Variants in ZDHHC13 observed in about 807,000 individuals in gnomAD.
ZDHHC13 encodes zDHHC palmitoyltransferase 13.
A neutral mutation model predicts 86.0 loss-of-function variants in ZDHHC13; 85 were observed. That is an observed-to-expected ratio of 0.99 (90% CI 0.83 to 1.18). The LOEUF is 1.18. Ranked by LOEUF, ZDHHC13 falls within the 50% of genes most tolerant of loss-of-function variation. The pLI is 0.00. For missense variants in ZDHHC13, 711 were observed against 730.2 expected, an observed-to-expected ratio of 0.97 and a Z score of 0.30; for synonymous variants, 263 against 246.4, an observed-to-expected ratio of 1.07 and a Z score of -0.63.
At chr11:19,172,493 T>A (rs149557066) in intron 15 of ZDHHC13, among the ~76,000 whole-genome samples, 2 of 152,250 alleles carry the variant, frequency 1.3e-5, no homozygotes, top group African/African-American at 4.8e-5. Flanking sequence ...TGAGTAGTTA[T>A]GGTTTTTAAT....
In ZDHHC13 at chr11:19,163,392, G is replaced by A. The variant is rs1418779024; in HGVS notation, c.1198G>A (p.Gly400Ser). The A allele has an allele frequency of 8.1e-6, 13 of 1,606,712 alleles. No homozygotes were observed. Among genetic ancestry groups the A allele is most frequent in the African/African-American group, 1.3e-5 (1 of 74,452 alleles). Residue 400 changes from glycine to serine, a missense_variant, in exon 11 of 17, where the codon GGC becomes AGC. Physicochemically the swap from Gly to Ser is moderately conservative, Grantham distance 56. Coordinates refer to ENST00000446113, the MANE Select transcript of ZDHHC13 (RefSeq NM_019028.3). Reference protein sequence around the residue: ...FFYKTWATDPGFTKASEEEKK... With the variant: ...FFYKTWATDPSFTKASEEEKK... ...CTATAAGACTTGGGCAACTGATCCAGGCTTCACTAAGGCTTCTGAAGAAGA... is the reference window on the plus strand; with the variant it reads ...CTATAAGACTTGGGCAACTGATCCAAGCTTCACTAAGGCTTCTGAAGAAGA...
intron 1 of ZDHHC13, among the ~76,000 whole-genome samples, chr11:19,140,637 T>C (rs544079766): frequency 2.0e-5 from 3 of 152,256 alleles, no homozygotes; most frequent in East Asian, 3.9e-4. Context: ...TGCGGCATTA[T>C]TCACAATAGT....
At chr11:19,131,745 T>G (rs2133374235) in intron 1 of ZDHHC13, among the ~76,000 whole-genome samples, 1 of 152,230 alleles carries the variant, frequency 6.6e-6, no homozygotes, top group African/African-American at 2.4e-5. Flanking sequence ...GTGATTCTCC[T>G]GCCTCAGTCT....
chr11:19,164,392 T>C (rs1175006049), intron 12 of ZDHHC13, 29 bp downstream of exon 12: 3 of 1,602,156 alleles, frequency 1.9e-6, no homozygotes, highest in Non-Finnish European at 2.6e-6. Flanking sequence ...TTTTTTTCCG[T>C]AGTGAAAGCA....
intron 14 of ZDHHC13, chr11:19,169,849 T>A: frequency 1.0e-6 from 1 of 985,746 alleles, no homozygotes; most frequent in South Asian, 4.7e-5. Flanking sequence ...TGTATCTGTC[T>A]TGTGAGTCCC....
chr11:19,135,491 T>TG (rs1849112536), intron 1 of ZDHHC13, among the ~76,000 whole-genome samples: 1 of 152,018 alleles, frequency 6.6e-6, no homozygotes, highest in South Asian at 2.1e-4. Context: ...GCAGCGAGGC[T>TG]GGGGAGGGGC....
At chr11:19,168,186 C>G (rs1158884551) in intron 14 of ZDHHC13, 1 of 152,190 alleles carries the variant, frequency 6.6e-6, no homozygotes, top group Non-Finnish European at 1.5e-5. Context: ...ATTGAGAAAG[C>G]TGCCTTTCAA....
intron 1 of ZDHHC13, among the ~76,000 whole-genome samples, chr11:19,124,427 G>A (rs1503506): frequency 0.63 from 95,199 of 151,770 alleles, 31,337 homozygotes; most frequent in Admixed American, 0.75. Context: ...GAAAGAGTCC[G>A]GATTGTTAAC....
At chr11:19,160,824 T>C (rs1849890269) in intron 10 of ZDHHC13, among the ~76,000 whole-genome samples, 1 of 151,918 alleles carries the variant, frequency 6.6e-6, no homozygotes, top group Non-Finnish European at 1.5e-5. Flanking sequence ...TTTTTGTTTG[T>C]TTTTGTTTTA....
intron 5 of ZDHHC13, among the ~76,000 whole-genome samples, chr11:19,149,537 A>G (rs889457899): frequency 6.6e-6 from 1 of 152,244 alleles, no homozygotes; most frequent in Non-Finnish European, 1.5e-5. Flanking sequence ...TCAGTAACGT[A>G]TAATAGATGT....
chr11:19,164,929 A>G, intron 12 of ZDHHC13, 123 bp from the exon 13 acceptor site: 2 of 718,840 alleles, frequency 2.8e-6, no homozygotes, highest in Non-Finnish European at 4.8e-6. Flanking sequence ...CTCTGTGTGA[A>G]TTGATGGTCT....
intron 1 of ZDHHC13, among the ~76,000 whole-genome samples, chr11:19,122,285 C>T (rs1259611400): frequency 1.3e-5 from 2 of 152,154 alleles, no homozygotes; most frequent in African/African-American, 2.4e-5. Flanking sequence ...AATTTAGCCT[C>T]TTGACAATTT....
chr11:19,173,015 C>G (rs150740455), intron 16 of ZDHHC13, among the ~76,000 whole-genome samples, 195 bp downstream of exon 16: 54 of 152,216 alleles, frequency 3.5e-4, no homozygotes, highest in African/African-American at 1.3e-3. Flanking sequence ...GGTAAGAATT[C>G]GAGAGTTAGT....
intron 1 of ZDHHC13, among the ~76,000 whole-genome samples, chr11:19,135,323 G>A (rs1849106918): frequency 6.6e-6 from 1 of 152,230 alleles, no homozygotes; most frequent in Admixed American, 6.5e-5. Context: ...ATGGCACCTG[G>A]AAAATCGGGT....
chr11:19,169,591 A>G (rs767746416), intron 14 of ZDHHC13: 143 of 985,368 alleles, frequency 1.5e-4, no homozygotes, highest in Non-Finnish European at 1.6e-4. Context: ...CGACAGAATT[A>G]TCTTTTAAAA....
intron 8 of ZDHHC13, 79 bp downstream of exon 8, chr11:19,152,763 G>GA: frequency 6.3e-7 from 1 of 1,594,500 alleles, no homozygotes; most frequent in Non-Finnish European, 8.6e-7. Context: ...GGCATCAGAG[G>GA]AAACCAGAGA....
intron 1 of ZDHHC13, among the ~76,000 whole-genome samples, chr11:19,124,980 A>T (rs1490718839): frequency 6.6e-6 from 1 of 152,176 alleles, no homozygotes; most frequent in Non-Finnish European, 1.5e-5. Context: ...AAGCTCAAGG[A>T]GCCACAAAGG....
Position 19,163,429 on chromosome 11 carries a change from T to C in ZDHHC13, c.1233+2T>C. 1 of 1,581,504 alleles carries C rather than the reference T, an allele frequency of 6.3e-7. No homozygotes were observed. Among genetic ancestry groups the C allele is most frequent in the South Asian group, 1.2e-5 (1 of 84,560 alleles). The stretch of plus-strand genomic sequence containing the variant: ...GCTTCTGAAGAAGAAAAGAAAGTGG[T>C]GAGATTTCTTCGTTACTGATATTTT... On this transcript the variant is annotated splice_donor_variant, in intron 11 of 16. Transcript: ENST00000446113. LOFTEE classifies it high-confidence loss of function.
intron 1 of ZDHHC13, among the ~76,000 whole-genome samples, chr11:19,135,882 C>G (rs1166411504): frequency 6.6e-6 from 1 of 152,024 alleles, no homozygotes; most frequent in Non-Finnish European, 1.5e-5. Context: ...AGAAGGAAAA[C>G]TAACAAACAG....
Sources: gnomAD v4.1 joint callset for allele counts (sites outside exome capture counted in the v4.1 genomes callset) on GRCh38, gnomAD v4.1.1 for gene constraint, MANE v1.5 for transcripts, NCBI Gene and HGNC (gene_info 2026-07-23, HGNC 2026-07-21) for gene names.